The following RAB1A variants were observed in gnomAD, a reference collection of about 807,000 sequenced individuals.
RAB1A encodes ras-related protein Rab-1A.
RAB1A carries 2 observed loss-of-function variants against 26.0 expected under a neutral mutation model. The observed-to-expected ratio is 0.08, with a 90% CI of 0.03 to 0.24. The LOEUF (loss-of-function observed/expected upper bound fraction) is 0.24, where lower values mean the gene tolerates loss of function less well. Ranked by LOEUF, RAB1A falls within the 10% of genes least tolerant of loss-of-function variation. The probability of loss-of-function intolerance (pLI) is 1.00; values close to 1 mark genes in which losing one functional copy is unlikely to be tolerated. For synonymous variants in RAB1A, 84 were observed against 84.9 expected (o/e 0.99, Z 0.06); for missense variants, 100 against 247.0 (o/e 0.40, Z 3.99).
At chr2:65,109,451 C>A (rs1474069224) in intron 1 of RAB1A, among the ~76,000 whole-genome samples, 1 of 152,050 alleles carries the variant, frequency 6.6e-6, no homozygotes, top group Non-Finnish European at 1.5e-5. Context: ...CACCTGTAAT[C>A]CCAGCACTTT....
chr2:65,125,941 G>A (rs1350349026), intron 1 of RAB1A, among the ~76,000 whole-genome samples: 3 of 133,520 alleles, frequency 2.2e-5, no homozygotes, highest in Non-Finnish European at 4.6e-5. Flanking sequence ...GTGTGATCTC[G>A]GCTCACTGCA....
At chr2:65,091,305 A>G (rs996715029) in intron 3 of RAB1A, among the ~76,000 whole-genome samples, 4 of 152,190 alleles carry the variant, frequency 2.6e-5, no homozygotes, top group African/African-American at 9.7e-5. Context: ...TAATACTAAA[A>G]TTACAAGCTG....
intron 1 of RAB1A, among the ~76,000 whole-genome samples, chr2:65,116,454 G>C (rs141458124): frequency 6.6e-6 from 1 of 152,094 alleles, no homozygotes; most frequent in Non-Finnish European, 1.5e-5. Flanking sequence ...TTACCACCAT[G>C]AGCCTCAATT....
chr2:65,087,219 C>T lies in RAB1A; in HGVS notation c.*1274G>A, dbSNP rs918695647. On this transcript the variant is annotated 3_prime_UTR_variant, in exon 6 of 6. Transcript: ENST00000409784. ...TCACAATTAAAAACCAAACAAAACC[C>T]CCTAGGATCTTGAAGGTCCTATTTC... The T allele has an allele frequency of 9.8e-5, 15 of 152,660 alleles. No homozygotes were observed. The highest frequency in any genetic ancestry group is 9.8e-4 in the Admixed American group (15 of 15,288). The allele number at this position is 152,660 out of a possible 1,614,324, so 9.5% of individuals were successfully genotyped here.
In RAB1A at chr2:65,088,649, A is replaced by G. The variant is rs1444900505; in HGVS notation, c.462T>C (p.Ser154=). The G allele has an allele frequency of 5.0e-6, 8 of 1,611,910 alleles. No homozygotes were observed. The highest frequency in any genetic ancestry group is 1.7e-4 in the Middle Eastern group (1 of 6,060). The change falls in exon 6 of 6, where the codon AGT becomes AGC. Residue 154 remains serine, a synonymous_variant. Coordinates refer to ENST00000409784, the MANE Select transcript of RAB1A (RefSeq NM_004161.5). The stretch of plus-strand genomic sequence containing the variant: ...GTTCTACATTCGTTGCATTCTTAGC[A>G]CTGGTTTCCAAAAACGGAATTCCAA... The part of the protein sequence containing the change: ...DSLGIPFLET[S]AKNATNVEQS...
chr2:65,106,242 AG>A (rs1669555724), intron 1 of RAB1A: 1 of 197,866 alleles, frequency 5.1e-6, no homozygotes, highest in African/African-American at 2.4e-5. Context: ...CAATTTCAAA[AG>A]GACAAAAACC....
At chr2:65,119,864 A>ATT (rs1553395017) in intron 1 of RAB1A, among the ~76,000 whole-genome samples, 1 of 149,176 alleles carries the variant, frequency 6.7e-6, no homozygotes, top group Middle Eastern at 3.5e-3. Context: ...AAAAAAAAAA[A>ATT]AATTAATTAA....
intron 1 of RAB1A, among the ~76,000 whole-genome samples, chr2:65,127,196 TATTA>T (rs5831737): frequency 0.66 from 99,271 of 151,558 alleles, 32,721 homozygotes; most frequent in Non-Finnish European, 0.69. Context: ...CGTATTTACT[TATTA>T]ATTACTGTCC....
intron 1 of RAB1A, among the ~76,000 whole-genome samples, chr2:65,109,227 T>C (rs1306987097): frequency 6.6e-6 from 1 of 152,182 alleles, no homozygotes; most frequent in Admixed American, 6.6e-5. Flanking sequence ...AATATACAAA[T>C]ATAAAATTAC....
At chr2:65,120,901 C>G (rs1669948539) in intron 1 of RAB1A, among the ~76,000 whole-genome samples, 1 of 152,120 alleles carries the variant, frequency 6.6e-6, no homozygotes, top group South Asian at 2.1e-4. Flanking sequence ...ACATAATTCA[C>G]TGAGTTTCAC....
At position 65,093,556 on chromosome 2, in the gene RAB1A, A is replaced by T. The variant is rs184878368; in HGVS notation, c.193-2478T>A. Among the ~76,000 whole-genome samples, 372 of 152,302 alleles carry T rather than the reference A, an allele frequency of 2.4e-3. 3 individuals carry two copies. The highest frequency in any genetic ancestry group is 8.5e-3 in the African/African-American group (353 of 41,564). ...AATCAAGATTTTGAAAAGACCTAGA[A>T]AACTTGAAGGATTACTGAAGCCAAG... On this transcript the variant is annotated intron_variant, in intron 3 of 5. Transcript: ENST00000409784.
rs116480706 is a variant in RAB1A at position 65,111,642 on chromosome 2, T to G, written c.24-6836A>C. Among the ~76,000 whole-genome samples the G allele has an allele frequency of 6.9e-3, 1,048 of 152,320 alleles. 12 individuals carry two copies. Among genetic ancestry groups the G allele is most frequent in the African/African-American group, 0.024 (982 of 41,568 alleles). On this transcript the variant is annotated intron_variant, in intron 1 of 5. Coordinates refer to ENST00000409784, the MANE Select transcript of RAB1A (RefSeq NM_004161.5). ...CTGTACCAATGTTTATTTCTTAATT[T>G]GGACAAATGTACCATGTATGTAAGA...
intron 2 of RAB1A, among the ~76,000 whole-genome samples, chr2:65,103,440 C>T (rs757578257): frequency 6.6e-6 from 1 of 152,060 alleles, no homozygotes; most frequent in African/African-American, 2.4e-5. Flanking sequence ...AAAAATGGCA[C>T]GGCTTGTTTT....
At chr2:65,129,723 C>G (rs1558591523) in intron 1 of RAB1A, among the ~76,000 whole-genome samples, 170 bp downstream of exon 1, 6 of 152,034 alleles carry the variant, frequency 3.9e-5, no homozygotes, top group Admixed American at 2.6e-4. Flanking sequence ...CGCGGCCGCC[C>G]CTCCGCGTCA....
At chr2:65,116,235 G>A (rs1669822956) in intron 1 of RAB1A, among the ~76,000 whole-genome samples, 1 of 152,156 alleles carries the variant, frequency 6.6e-6, no homozygotes, top group African/African-American at 2.4e-5. Context: ...TAGTACCAAA[G>A]GAAGCAGCAA....
chr2:65,110,479 G>A (rs578039444), intron 1 of RAB1A, among the ~76,000 whole-genome samples: 1 of 150,766 alleles, frequency 6.6e-6, no homozygotes, highest in East Asian at 1.9e-4. Flanking sequence ...ACAATTTGAG[G>A]CACAAAATAA....
At chr2:65,126,419 C>G (rs1043228795) in intron 1 of RAB1A, among the ~76,000 whole-genome samples, 2 of 151,322 alleles carry the variant, frequency 1.3e-5, no homozygotes, top group African/African-American at 4.9e-5. Context: ...AAGGCCCGGG[C>G]GACAGAGCAA....
chr2:65,088,244 A>G lies in RAB1A; in HGVS notation c.*249T>C. On this transcript the variant is annotated 3_prime_UTR_variant, in exon 6 of 6. Transcript: ENST00000409784. ...ACAGTCTGGTATCAGGAAAGCAACA[A>G]GGATTACACACATTATTTTATAAAC... The G allele has an allele frequency of 5.2e-6, 2 of 387,704 alleles. No homozygotes were observed. Among genetic ancestry groups the G allele is most frequent in the South Asian group, 1.6e-4 (2 of 12,460 alleles). 24.0% of individuals were successfully genotyped at this position (387,704 alleles called of 1,614,324 possible). A position where few individuals can be genotyped will look rare whatever the true frequency, so the allele number is the denominator to read the frequency against.
chr2:65,103,319 G>GT (rs1348510536), intron 2 of RAB1A, among the ~76,000 whole-genome samples: 1 of 33,522 alleles, frequency 3.0e-5, no homozygotes, highest in Non-Finnish European at 6.8e-5. Context: ...AAAAAACATT[G>GT]TTTTATGTGA....
Sources: allele counts gnomAD v4.1 joint callset (sites outside exome capture counted in the v4.1 genomes callset), GRCh38; gene constraint gnomAD v4.1.1; transcripts MANE v1.5; gene names NCBI Gene and HGNC (gene_info 2026-07-23, HGNC 2026-07-21).